Variants in GPHN observed in about 807,000 individuals in gnomAD.
The protein encoded by GPHN is gephyrin.
GPHN carries 17 observed loss-of-function variants against 95.5 expected under a neutral mutation model. The ratio of observed to expected loss-of-function variants is 0.18; its 90% CI spans 0.12 to 0.27. The LOEUF (loss-of-function observed/expected upper bound fraction) is 0.27. Among genes scored for constraint, GPHN ranks in the 10% least tolerant of loss-of-function variants. GPHN has a pLI of 1.00. For synonymous variants in GPHN, 320 were observed against 322.5 expected (o/e 0.99, Z 0.08); for missense variants, 660 against 978.1 (o/e 0.67, Z 4.34).
At chr14:66,971,573 A>G (rs1305493685) in intron 9 of GPHN, among the ~76,000 whole-genome samples, 1 of 152,196 alleles carries the variant, frequency 6.6e-6, no homozygotes, top group Non-Finnish European at 1.5e-5. Flanking sequence ...ATATAGATAT[A>G]TAGTTAGAAA....
At chr14:67,551,717 C>A in the GPHN span, among the ~76,000 whole-genome samples, 1 of 152,098 alleles carries the variant, frequency 6.6e-6, no homozygotes, top group African/African-American at 2.4e-5. Context: ...GGAGAAACCC[C>A]ATCTCTACTA....
At chr14:67,088,912 A>G in intron 11 of GPHN, 71 bp from the exon 12 acceptor site, 1 of 852,210 alleles carries the variant, frequency 1.2e-6, no homozygotes, top group Non-Finnish European at 2.0e-6. Flanking sequence ...ACTCATGCCC[A>G]TCTTGTTTAT....
chr14:66,801,465 A>T (rs1481810685), intron 3 of GPHN, among the ~76,000 whole-genome samples: 3 of 152,140 alleles, frequency 2.0e-5, no homozygotes, highest in Non-Finnish European at 4.4e-5. Context: ...CTTATACAAG[A>T]TCCTAAAGAA....
At chr14:66,901,733 A>G (rs1278116543) in intron 5 of GPHN, among the ~76,000 whole-genome samples, 1 of 151,936 alleles carries the variant, frequency 6.6e-6, no homozygotes, top group African/African-American at 2.4e-5. Context: ...TTGGTCTCGC[A>G]TATCTGTTTG....
At chr14:66,873,293 C>T (rs965220763) in intron 4 of GPHN, among the ~76,000 whole-genome samples, 9 of 152,208 alleles carry the variant, frequency 5.9e-5, no homozygotes, top group Non-Finnish European at 1.2e-4. Flanking sequence ...CCTCGGGTGC[C>T]CACACCACCA....
chr14:67,153,148 A>T (rs2081380091), intron 18 of GPHN, among the ~76,000 whole-genome samples: 4 of 151,972 alleles, frequency 2.6e-5, no homozygotes, highest in Admixed American at 1.3e-4. Context: ...AAACTATAAA[A>T]ATTAGCTAGG....
chr14:67,585,957 C>A, the GPHN span: 2 of 1,612,062 alleles, frequency 1.2e-6, no homozygotes, highest in Admixed American at 1.7e-5. Context: ...ACAGCAAGTG[C>A]ACATCACTTA....
At chr14:66,872,890 CAAAAA>C (rs371975715) in intron 4 of GPHN, among the ~76,000 whole-genome samples, 1 of 89,030 alleles carries the variant, frequency 1.1e-5, no homozygotes, top group Non-Finnish European at 2.4e-5. Context: ...AACTTTGTCC[CAAAAA>C]AAAAAAAAAA....
intron 1 of GPHN, among the ~76,000 whole-genome samples, chr14:66,608,478 A>G (rs760150593): frequency 6.6e-6 from 1 of 152,084 alleles, no homozygotes; most frequent in Non-Finnish European, 1.5e-5. Context: ...TGGGTGGACT[A>G]TTCTATAGAT....
At chr14:67,203,047 G>C in the GPHN span, 1 of 1,578,304 alleles carries the variant, frequency 6.3e-7, no homozygotes, top group African/African-American at 1.4e-5. Flanking sequence ...GGTTGTCAAA[G>C]CCACACATTT....
chr14:67,392,903 G>T, the GPHN span: 1 of 1,453,232 alleles, frequency 6.9e-7, no homozygotes, highest in African/African-American at 1.4e-5. Flanking sequence ...CGTCCTTGGG[G>T]TGTGTGGCCA....
the GPHN span, among the ~76,000 whole-genome samples, chr14:67,216,892 T>C: frequency 6.6e-6 from 1 of 152,192 alleles, no homozygotes; most frequent in African/African-American, 2.4e-5. Context: ...TGTGCAGCTG[T>C]TGGATGAAAT....
the GPHN span, among the ~76,000 whole-genome samples, chr14:67,475,833 A>G: frequency 2.0e-5 from 3 of 152,050 alleles, no homozygotes; most frequent in African/African-American, 7.2e-5. Context: ...TGCACCACTT[A>G]CCTGGCCCAT....
At chr14:66,615,190 A>G (rs1226207470) in intron 1 of GPHN, among the ~76,000 whole-genome samples, 1 of 152,140 alleles carries the variant, frequency 6.6e-6, no homozygotes, top group Non-Finnish European at 1.5e-5. Context: ...ATGTGTCTTT[A>G]TAGTAGAATG....
intron 1 of GPHN, among the ~76,000 whole-genome samples, chr14:66,629,579 G>A (rs1026136502): frequency 2.0e-5 from 3 of 152,048 alleles, no homozygotes. Context: ...GCAAAAACCA[G>A]TAACATAATC....
At chr14:66,583,636 A>G (rs1000544218) in intron 1 of GPHN, among the ~76,000 whole-genome samples, 1 of 152,200 alleles carries the variant, frequency 6.6e-6, no homozygotes, top group African/African-American at 2.4e-5. Flanking sequence ...CATTTATTAA[A>G]TAGGGAATCC....
intron 3 of GPHN, among the ~76,000 whole-genome samples, chr14:66,789,192 T>G (rs2059887094): frequency 6.6e-6 from 1 of 152,218 alleles, no homozygotes; most frequent in Admixed American, 6.5e-5. Context: ...CACAATTTGT[T>G]CAAACCTTCA....
the GPHN span, among the ~76,000 whole-genome samples, chr14:67,358,336 ACTT>A: frequency 6.6e-6 from 1 of 152,138 alleles, no homozygotes; most frequent in African/African-American, 2.4e-5. Context: ...AAATTTAAAA[ACTT>A]CATTTCATTA....
At chr14:67,335,244 A>C in the GPHN span, 1 of 152,222 alleles carries the variant, frequency 6.6e-6, no homozygotes, top group Non-Finnish European at 1.5e-5. Flanking sequence ...GATATTCAAC[A>C]TAGTCCTTAA....
Sources: allele counts gnomAD v4.1 joint callset (sites outside exome capture counted in the v4.1 genomes callset), GRCh38; gene constraint gnomAD v4.1.1; transcripts MANE v1.5; gene names NCBI Gene and HGNC (gene_info 2026-07-23, HGNC 2026-07-21).